CRTC1: variants seen among roughly 807,000 people sequenced by gnomAD.
CRTC1 encodes CREB-regulated transcription coactivator 1.
In CRTC1, 18 loss-of-function variants were observed where a neutral mutation model predicts 66.1. The observed-to-expected ratio is 0.27, with a 90% CI of 0.19 to 0.40. The LOEUF is 0.40. CRTC1 is among the 10% of genes least tolerant of loss of function. The probability of loss-of-function intolerance (pLI) is 1.00; values close to 1 mark genes in which losing one functional copy is unlikely to be tolerated. For synonymous variants in CRTC1, 416 were observed against 398.8 expected (o/e 1.04, Z -0.51); for missense variants, 669 against 887.9 (o/e 0.75, Z 3.13).
At chr19:18,719,912 A>G (rs1328883837) in intron 1 of CRTC1, among the ~76,000 whole-genome samples, 1 of 152,178 alleles carries the variant, frequency 6.6e-6, no homozygotes, top group Non-Finnish European at 1.5e-5. Context: ...AGGCCCGTCC[A>G]TGTGGGCAGC....
intron 8 of CRTC1, 123 bp from the exon 9 acceptor site, chr19:18,765,281 G>T: frequency 7.1e-7 from 1 of 1,410,270 alleles, no homozygotes; most frequent in East Asian, 2.5e-5. Flanking sequence ...GTTGGGACAT[G>T]TCCATGGGCT....
At chr19:18,736,621 T>C (rs982540420) in intron 1 of CRTC1, among the ~76,000 whole-genome samples, 2 of 151,690 alleles carry the variant, frequency 1.3e-5, no homozygotes, top group African/African-American at 4.9e-5. Flanking sequence ...GGCCCGGAGG[T>C]AGCGACTGGT....
chr19:18,691,253 C>T lies in CRTC1; in HGVS notation c.126+7425C>T, dbSNP rs958485945. 6.0e-5 allele frequency among the ~76,000 whole-genome samples: 9 copies of T among 151,054 alleles called. No homozygotes were observed. The South Asian group carries it at 8.3e-4, about 14-fold the overall frequency. ...GAGGGGGACCAGGCACAGTGGCTCACGCCTGTAATCCCAACATTTTGAGAG... is the reference window on the plus strand; with the variant it reads ...GAGGGGGACCAGGCACAGTGGCTCATGCCTGTAATCCCAACATTTTGAGAG... On this transcript the variant is annotated intron_variant, in intron 1 of 13. Transcript: ENST00000321949.
intron 1 of CRTC1, among the ~76,000 whole-genome samples, chr19:18,712,957 CAAAA>C (rs146452936): frequency 4.0e-5 from 5 of 124,598 alleles, no homozygotes; most frequent in Non-Finnish European, 5.1e-5. Flanking sequence ...AAGACTGTCT[CAAAA>C]AAAAAAAAAA....
chr19:18,726,744 G>A (rs1240153813), intron 1 of CRTC1, among the ~76,000 whole-genome samples: 1 of 151,882 alleles, frequency 6.6e-6, no homozygotes, highest in Admixed American at 6.6e-5. Flanking sequence ...TGGCCAACAT[G>A]GTGAAACCCT....
intron 1 of CRTC1, among the ~76,000 whole-genome samples, chr19:18,723,392 A>C (rs1376304207): frequency 6.6e-6 from 1 of 152,194 alleles, no homozygotes; most frequent in Non-Finnish European, 1.5e-5. Flanking sequence ...GGAGAGACGG[A>C]GACCTGTCTC....
At chr19:18,716,994 C>T (rs2053523147) in intron 1 of CRTC1, among the ~76,000 whole-genome samples, 1 of 150,804 alleles carries the variant, frequency 6.6e-6, no homozygotes, top group Admixed American at 6.7e-5. Context: ...GCAGGCAGGA[C>T]AGGAGTGTGA....
rs571326090 is a variant in CRTC1 at position 18,704,217 on chromosome 19, A to G, written c.126+20389A>G. 2.0e-4 allele frequency among the ~76,000 whole-genome samples: 31 copies of G among 152,170 alleles called. No homozygotes were observed. In the South Asian group the frequency reaches 6.2e-3, roughly 31 times the overall value. On this transcript the variant is annotated intron_variant, in intron 1 of 13. Transcript: ENST00000321949. Reference sequence around the variant, plus strand: ...AGCCAGGAATTCCTGGGCTCAAGCAATCTTTCCACCTCAGCCTTTCAAGTA... The same window carrying G: ...AGCCAGGAATTCCTGGGCTCAAGCAGTCTTTCCACCTCAGCCTTTCAAGTA...
At chr19:18,744,061 C>G (rs767478273) in intron 2 of CRTC1, 1 of 1,606,188 alleles carries the variant, frequency 6.2e-7, no homozygotes, top group East Asian at 2.2e-5. Context: ...CCTTTGGGGC[C>G]AGGCAAGGCA....
At position 18,775,784 on chromosome 19, in the gene CRTC1, C is replaced by A; in HGVS notation, c.1656C>A (p.Tyr552Ter). Reference sequence around the variant, plus strand: ...TGCCGGACTCGCAGCAACTGGGATACGCCAGCCACAGTGGCATCCCCAACA... The same window carrying A: ...TGCCGGACTCGCAGCAACTGGGATAAGCCAGCCACAGTGGCATCCCCAACA... ...GSLPDSQQLG[Y>*]ASHSGIPNII... The change falls in exon 13 of 14, where the codon TAC (tyrosine) becomes TAA (stop). Residue 552 changes from tyrosine to a stop codon, truncating the protein, a stop_gained. Coordinates refer to ENST00000321949, the MANE Select transcript of CRTC1 (RefSeq NM_015321.3). LOFTEE classifies it high-confidence loss of function. The A allele has an allele frequency of 6.2e-7, 1 of 1,608,992 alleles. No individual in the cohort carries two copies. Among genetic ancestry groups the A allele is most frequent in the Non-Finnish European group, 8.5e-7 (1 of 1,178,122 alleles).
At chr19:18,751,211 G>A (rs911343350) in intron 5 of CRTC1, among the ~76,000 whole-genome samples, 4 of 152,024 alleles carry the variant, frequency 2.6e-5, no homozygotes, top group Non-Finnish European at 5.9e-5. Context: ...AAAATGAAAT[G>A]TGCAACAGGC....
chr19:18,728,893 T>C (rs1462628860), intron 1 of CRTC1, among the ~76,000 whole-genome samples: 1 of 145,656 alleles, frequency 6.9e-6, no homozygotes, highest in African/African-American at 2.6e-5. Flanking sequence ...GCTCACTGCA[T>C]CCTCTACCTC....
At chr19:18,742,015 T>C (rs2054121869) in intron 1 of CRTC1, among the ~76,000 whole-genome samples, 2 of 151,646 alleles carry the variant, frequency 1.3e-5, no homozygotes, top group African/African-American at 4.9e-5. Context: ...CAACCACCCC[T>C]CCTTCCTGCC....
intron 8 of CRTC1, among the ~76,000 whole-genome samples, chr19:18,761,058 C>T (rs74182603): frequency 6.6e-6 from 1 of 152,192 alleles, no homozygotes; most frequent in Non-Finnish European, 1.5e-5. Context: ...CCTCCACCCT[C>T]TGAACTTAGC....
intron 1 of CRTC1, among the ~76,000 whole-genome samples, chr19:18,706,049 G>A (rs911830171): frequency 2.7e-5 from 4 of 148,782 alleles, no homozygotes; most frequent in African/African-American, 9.9e-5. Context: ...TGCACTTGGA[G>A]ATCCTGTTTT....
chr19:18,738,661 G>A (rs1191191248), intron 1 of CRTC1, among the ~76,000 whole-genome samples: 2 of 152,176 alleles, frequency 1.3e-5, no homozygotes, highest in Non-Finnish European at 2.9e-5. Flanking sequence ...AATTGTCTGA[G>A]TGTGGTGGCA....
At chr19:18,737,322 C>T (rs865932272) in intron 1 of CRTC1, among the ~76,000 whole-genome samples, 2 of 152,054 alleles carry the variant, frequency 1.3e-5, no homozygotes, top group South Asian at 2.1e-4. Context: ...GGGGTCCCTG[C>T]GGTCAGCTTG....
At position 18,782,038 on chromosome 19, in the gene CRTC1, T is replaced by G. The variant is rs1046363738; in HGVS notation, c.*4656T>G. On this transcript the variant is annotated 3_prime_UTR_variant, in exon 14 of 14. Coordinates refer to ENST00000321949, the MANE Select transcript of CRTC1 (RefSeq NM_015321.3). ...CCACTGGCCCTGCCGTGCCCCTGAG[T>G]AGGAAACTGTCCCCTAGGGGCTGGG... 4.4e-5 allele frequency: 10 copies of G among 227,616 alleles called. No individual in the cohort carries two copies. Among genetic ancestry groups the G allele is most frequent in the Non-Finnish European group, 7.8e-5 (9 of 114,694 alleles). The allele number at this position is 227,616 out of a possible 1,614,324, so 14.1% of individuals were successfully genotyped here.
chr19:18,730,486 C>T (rs994472655), intron 1 of CRTC1, among the ~76,000 whole-genome samples: 2 of 152,080 alleles, frequency 1.3e-5, no homozygotes, highest in African/African-American at 2.4e-5. Flanking sequence ...CCCTACAGCC[C>T]TGCCGTGGAG....
Sources: gnomAD v4.1 joint callset for allele counts (sites outside exome capture counted in the v4.1 genomes callset) on GRCh38, gnomAD v4.1.1 for gene constraint, MANE v1.5 for transcripts, NCBI Gene and HGNC (gene_info 2026-07-23, HGNC 2026-07-21) for gene names.